DAPK2: variants seen among roughly 807,000 people sequenced by gnomAD.
DAPK2 encodes the protein death associated protein kinase 2.
DAPK2 carries 35 observed loss-of-function variants against 44.1 expected under a neutral mutation model. That is an observed-to-expected ratio of 0.79 (90% CI 0.61 to 1.05). The LOEUF is 1.05. Ranked by LOEUF, DAPK2 falls within the 50% of genes least tolerant of loss-of-function variation. DAPK2 has a pLI of 0.00. For synonymous variants in DAPK2, 174 were observed against 182.6 expected, an observed-to-expected ratio of 0.95 and a Z score of 0.38; for missense variants, 453 against 483.2, an observed-to-expected ratio of 0.94 and a Z score of 0.59.
upstream of DAPK2, chr15:64,046,355 C>CACGGCGGGAACGGGGAACGCGGCGGGA (rs1555485893): frequency 2.8e-6 from 1 of 350,924 alleles, no homozygotes; most frequent in Non-Finnish European, 3.2e-6. This position sits in a 1 kb window ranked among gnomAD's most constrained non-coding sequence, Gnocchi z 5.3. Context: ...GAGCGGCGGG[C>CACGGCGGGAACGGGGAACGCGGCGGGA]GCGGCGGGCG....
At chr15:63,929,730 C>T in intron 5 of DAPK2, 153 bp from the exon 7 acceptor site, 1 of 868,440 alleles carries the variant, frequency 1.2e-6, no homozygotes, top group Non-Finnish European at 1.9e-6. Context: ...CTCCATCCTG[C>T]TCTTCAGCAG....
chr15:63,942,815 T>A (rs2077345426), intron 3 of DAPK2, among the ~76,000 whole-genome samples: 1 of 151,880 alleles, frequency 6.6e-6, no homozygotes, highest in Admixed American at 6.6e-5. Context: ...CCTACCACCC[T>A]CCCCAGTTCC....
intron 1 of DAPK2, among the ~76,000 whole-genome samples, chr15:64,037,970 G>A (rs1050167675): frequency 6.6e-6 from 1 of 152,222 alleles, no homozygotes; most frequent in Non-Finnish European, 1.5e-5. Context: ...CAGGCTATGA[G>A]CTGCATGGGA....
upstream of DAPK2, among the ~76,000 whole-genome samples, chr15:64,043,893 A>G (rs557145901): frequency 7.8e-4 from 119 of 152,278 alleles, no homozygotes; most frequent in Non-Finnish European, 1.6e-3. Context: ...TAGGCACTAT[A>G]TAAGTGTTGG....
At chr15:63,986,112 T>C (rs1245393049) in intron 1 of DAPK2, among the ~76,000 whole-genome samples, 1 of 152,250 alleles carries the variant, frequency 6.6e-6, no homozygotes, top group African/African-American at 2.4e-5. Context: ...CCAAGGCTGC[T>C]GGCTGGTGTC....
chr15:63,927,631 T>C (rs759685292), intron 6 of DAPK2, among the ~76,000 whole-genome samples: 2 of 152,196 alleles, frequency 1.3e-5, no homozygotes, highest in Admixed American at 6.5e-5. Flanking sequence ...CCCTCCTTCA[T>C]GTCAGTATCC....
At chr15:63,996,531 T>C (rs1178354719) in intron 1 of DAPK2, among the ~76,000 whole-genome samples, 2 of 152,218 alleles carry the variant, frequency 1.3e-5, no homozygotes, top group Non-Finnish European at 2.9e-5. Context: ...CTGGAGGGCA[T>C]CTGGCTTTTG....
Position 63,912,206 on chromosome 15 carries a change from C to T in DAPK2, c.859-9G>A. On this transcript the variant is annotated splice_polypyrimidine_tract_variant and intron_variant, in intron 8 of 10. Transcript: ENST00000261891. This position sits in a 1 kb window ranked among gnomAD's most constrained non-coding sequence, Gnocchi z 4.4. ...TGCTGGTTGTCCACCGGCTGAGAGA[C>T]AAAGCAGAGCATGGCAGCTGATGCT... 1 of 1,613,796 alleles carries T rather than the reference C, an allele frequency of 6.2e-7. No homozygotes were observed.
chr15:63,940,714 T>TAAA (rs1334749674), intron 3 of DAPK2, among the ~76,000 whole-genome samples: 3 of 151,160 alleles, frequency 2.0e-5, no homozygotes, highest in African/African-American at 7.4e-5. Flanking sequence ...TCTGTCTCAA[T>TAAA]TAATAAATAA....
intron 1 of DAPK2, among the ~76,000 whole-genome samples, chr15:64,027,253 G>C (rs2079874440): frequency 6.6e-6 from 1 of 152,138 alleles, no homozygotes; most frequent in Non-Finnish European, 1.5e-5. Context: ...GCGTAGTGGT[G>C]TGTGCCTGTA....
chr15:64,031,697 G>C (rs377485467), intron 1 of DAPK2, among the ~76,000 whole-genome samples: 3 of 152,204 alleles, frequency 2.0e-5, no homozygotes, highest in East Asian at 1.9e-4. Context: ...CATTCTTTGA[G>C]ATTTTCTGTG....
intron 4 of DAPK2, among the ~76,000 whole-genome samples, chr15:63,933,795 C>T (rs2077048303): frequency 6.6e-6 from 1 of 151,358 alleles, no homozygotes; most frequent in Non-Finnish European, 1.5e-5. Flanking sequence ...GATGAGGTCT[C>T]ACTGCGTTGC....
At chr15:63,936,793 A>T (rs2077165776) in intron 4 of DAPK2, among the ~76,000 whole-genome samples, 2 of 151,620 alleles carry the variant, frequency 1.3e-5, no homozygotes, top group East Asian at 3.9e-4. Context: ...CAGCCTGGGC[A>T]ATATAGTGAG....
rs144169901 is a variant in DAPK2, at chr15:63,911,920, C to T, written c.1020G>A (p.Pro340=). 23 of 1,613,590 alleles carry T rather than the reference C, an allele frequency of 1.4e-5. 1 individual carries two copies. The highest frequency in any genetic ancestry group is 1.2e-4 in the South Asian group (11 of 90,852). ...TGCATTTACCCACCAGGTCCTCATC[C>T]GGCCTCAGGTGCACCTTCTTCATCA... The change falls in exon 10 of 11, where the codon CCG becomes CCA. Residue 340 remains proline, a synonymous_variant. Coordinates refer to ENST00000261891, the Ensembl canonical transcript of DAPK2.
intron 3 of DAPK2, among the ~76,000 whole-genome samples, chr15:63,946,692 C>T (rs916223769): frequency 2.0e-5 from 3 of 152,156 alleles, no homozygotes; most frequent in Non-Finnish European, 4.4e-5. Flanking sequence ...CAAGAAACTA[C>T]CAAGGTCACT....
chr15:63,993,956 C>T (rs1358509086), intron 1 of DAPK2, among the ~76,000 whole-genome samples: 2 of 152,146 alleles, frequency 1.3e-5, no homozygotes, highest in Non-Finnish European at 2.9e-5. Flanking sequence ...AGCCATGGGT[C>T]CAGGCTACTG....
intron 3 of DAPK2, among the ~76,000 whole-genome samples, chr15:63,941,617 G>A (rs1390136672): frequency 6.6e-6 from 1 of 151,798 alleles, no homozygotes; most frequent in East Asian, 1.9e-4. Context: ...GGCCTTCCTT[G>A]GCTTTTTTTC....
chr15:64,030,794 A>C (rs760961120), intron 1 of DAPK2, among the ~76,000 whole-genome samples: 1 of 151,984 alleles, frequency 6.6e-6, no homozygotes, highest in Non-Finnish European at 1.5e-5. Flanking sequence ...ACAGTAAGAC[A>C]CCCGTCTCTA....
chr15:63,983,525 C>A lies in DAPK2; in HGVS notation c.314+8G>T. 2 of 1,612,964 alleles carry A rather than the reference C, an allele frequency of 1.2e-6. No homozygotes were observed. The highest frequency in any genetic ancestry group is 1.7e-6 in the Non-Finnish European group (2 of 1,179,046). ...CCCAACCCTGTGGGTCCTGGGGACC[C>A]CACTCACAGCTCAAGGATGAGCACC... On this transcript the variant is annotated splice_region_variant and intron_variant, in intron 2 of 10. Transcript: ENST00000261891.
Sources: allele counts gnomAD v4.1 joint callset (sites outside exome capture counted in the v4.1 genomes callset), GRCh38; gene constraint gnomAD v4.1.1; non-coding constraint Gnocchi (gnomAD v3.1); transcripts MANE v1.5; gene names NCBI Gene and HGNC (gene_info 2026-07-23, HGNC 2026-07-21).